The following NKTR variants were observed in gnomAD, a reference collection of about 807,000 sequenced individuals.
The protein encoded by NKTR is natural killer cell triggering receptor.
NKTR carries 67 observed loss-of-function variants against 156.3 expected under a neutral mutation model. That is an observed-to-expected ratio of 0.43 (90% CI 0.35 to 0.53). The LOEUF is 0.53. Among genes scored for constraint, NKTR ranks in the 20% least tolerant of loss-of-function variants. The probability of loss-of-function intolerance (pLI) is 0.01; values close to 1 mark genes in which losing one functional copy is unlikely to be tolerated. For missense variants in NKTR, 1,604 were observed against 1,730.9 expected (o/e 0.93, Z 1.30); for synonymous variants, 640 against 596.6 (o/e 1.07, Z -1.06).
intron 2 of NKTR, among the ~76,000 whole-genome samples, chr3:42,610,737 C>T (rs1034948816): frequency 5.3e-5 from 8 of 151,912 alleles, no homozygotes; most frequent in African/African-American, 1.9e-4. Context: ...TATCATCTCT[C>T]CCAGGCTTTG....
chr3:42,630,707 T>C, intron 7 of NKTR, 132 bp downstream of exon 7: 1 of 1,485,868 alleles, frequency 6.7e-7, no homozygotes, highest in Non-Finnish European at 9.0e-7. Flanking sequence ...AGCTATTCCT[T>C]AGGATCACAG....
At chr3:42,641,767 A>C (rs1271857928) in intron 13 of NKTR, among the ~76,000 whole-genome samples, 18 of 151,694 alleles carry the variant, frequency 1.2e-4, no homozygotes, top group Non-Finnish European at 1.3e-4. Flanking sequence ...AATCCCAGCT[A>C]CTCAGGAGGC....
At chr3:42,617,744 T>G (rs1376375113) in intron 3 of NKTR, 100 bp downstream of exon 3, 1 of 615,864 alleles carries the variant, frequency 1.6e-6, no homozygotes, top group Non-Finnish European at 2.9e-6. Context: ...CTCGTGAAAT[T>G]AGTTTTGTGA....
chr3:42,627,118 A>C, intron 6 of NKTR: 1 of 846,582 alleles, frequency 1.2e-6, no homozygotes, highest in Non-Finnish European at 1.4e-6. Flanking sequence ...TCAAAGTTAT[A>C]TTGATATTAA....
At chr3:42,609,456 TTG>T (rs756038103) in intron 2 of NKTR, among the ~76,000 whole-genome samples, 1 of 152,200 alleles carries the variant, frequency 6.6e-6, no homozygotes, top group Non-Finnish European at 1.5e-5. Flanking sequence ...TTCCAGAAGA[TTG>T]TGTGTTTAGA....
Position 42,648,708 on chromosome 3 carries a change from T to C in NKTR, c.*2733T>C, listed in dbSNP as rs776673943. On this transcript the variant is annotated 3_prime_UTR_variant, in exon 17 of 17. Coordinates refer to ENST00000232978, the MANE Select transcript of NKTR (RefSeq NM_005385.4). Reference sequence around the variant, plus strand: ...CCCTAAAACTTGAAAGGGGACCTTGTAGAAATTAAAATATATACTTAGTCT... The same window carrying C: ...CCCTAAAACTTGAAAGGGGACCTTGCAGAAATTAAAATATATACTTAGTCT... 6.6e-6 allele frequency: 1 copy of C among 152,660 alleles called. No homozygotes were observed. The highest frequency in any genetic ancestry group is 1.5e-5 in the Non-Finnish European group (1 of 68,038). 9.5% of individuals were successfully genotyped at this position (152,660 alleles called of 1,614,324 possible).
chr3:42,633,174 G>C, intron 9 of NKTR: 3 of 426,314 alleles, frequency 7.0e-6, no homozygotes, highest in Non-Finnish European at 1.0e-5. Flanking sequence ...TGAGTAGCTA[G>C]GACTACGGGC....
chr3:42,628,525 A>C (rs1054626769), intron 6 of NKTR: 30 of 985,290 alleles, frequency 3.0e-5, no homozygotes, highest in Non-Finnish European at 3.5e-5. Flanking sequence ...TGGCAAATTG[A>C]ATTGGGCTCT....
intron 7 of NKTR, 193 bp from the exon 8 acceptor site, chr3:42,630,978 C>T (rs1376996714): frequency 2.8e-6 from 4 of 1,411,524 alleles, no homozygotes; most frequent in Non-Finnish European, 2.8e-6. Flanking sequence ...AAAACTGAGG[C>T]CCAGTTTGCA....
Position 42,637,065 on chromosome 3 carries a change from C to G in NKTR, c.1361C>G (p.Thr454Arg). 1 of 1,604,524 alleles carries G rather than the reference C, an allele frequency of 6.2e-7. No homozygotes were observed. The highest frequency in any genetic ancestry group is 8.5e-7 in the Non-Finnish European group (1 of 1,177,632). ...AAACACTGCAGAAGACACAAACAAA[C>G]AAAGAAGAGAAGGATTCTTATACCG... ...KQKHCRRHKQ[T>R]KKRRILIPSD... is the part of the protein sequence containing the mutation. Residue 454 changes from threonine (T) to arginine (R), a missense_variant, in exon 13 of 17, where the codon ACA becomes AGA. Thr to Arg is a moderately conservative substitution (Grantham distance 71). This residue lies in a region of NKTR where 1,255 missense variants were observed against 1,243.7 expected (regional missense o/e 1.01). Transcript: ENST00000232978.
At chr3:42,615,349 G>A (rs1191323814) in intron 2 of NKTR, among the ~76,000 whole-genome samples, 3 of 151,634 alleles carry the variant, frequency 2.0e-5, no homozygotes, top group African/African-American at 7.3e-5. Flanking sequence ...AAAGTGCTGG[G>A]ATTACAGGCG....
At chr3:42,629,688 C>A in intron 6 of NKTR, 1 of 977,776 alleles carries the variant, frequency 1.0e-6, no homozygotes, top group Non-Finnish European at 1.2e-6. Context: ...AATTCTGAGA[C>A]TAATTATCTG....
intron 14 of NKTR, 53 bp from the exon 15 acceptor site, chr3:42,643,286 G>A (rs1710051811): frequency 1.4e-6 from 2 of 1,434,588 alleles, no homozygotes; most frequent in Non-Finnish European, 2.0e-6. Flanking sequence ...ATTTGGTATA[G>A]CCTGTCCTGC....
At chr3:42,610,525 T>G (rs1706682162) in intron 2 of NKTR, among the ~76,000 whole-genome samples, 1 of 152,052 alleles carries the variant, frequency 6.6e-6, no homozygotes, top group Non-Finnish European at 1.5e-5. Flanking sequence ...TTTTTAAAAT[T>G]TATTTTGTTG....
chr3:42,631,126 G>C (rs776614895), intron 7 of NKTR, 45 bp from the exon 8 acceptor site: 3 of 1,607,520 alleles, frequency 1.9e-6, no homozygotes, highest in Non-Finnish European at 2.6e-6. Flanking sequence ...ACTGTTTATA[G>C]CTTAATTATC....
intron 5 of NKTR, chr3:42,620,151 C>A (rs1707777547): frequency 7.2e-7 from 1 of 1,391,184 alleles, no homozygotes; most frequent in Non-Finnish European, 9.3e-7. Flanking sequence ...TTCTATATTG[C>A]TTGAAGACTT....
At chr3:42,616,030 G>T (rs927579722) in intron 2 of NKTR, among the ~76,000 whole-genome samples, 1 of 152,078 alleles carries the variant, frequency 6.6e-6, no homozygotes, top group East Asian at 1.9e-4. Flanking sequence ...AAAGCTATAG[G>T]CTAAGAATGT....
chr3:42,643,765 G>A (rs775882289), intron 15 of NKTR, 137 bp from the exon 16 acceptor site: 2 of 691,350 alleles, frequency 2.9e-6, no homozygotes, highest in Non-Finnish European at 5.3e-6. Flanking sequence ...TCCAGTACTT[G>A]TTTTGGAAAT....
chr3:42,600,695 C>T lies in NKTR; in HGVS notation c.-107C>T, dbSNP rs1344583624. 1 of 233,756 alleles carries T rather than the reference C, an allele frequency of 4.3e-6. No homozygotes were observed. The highest frequency in any genetic ancestry group is 2.3e-5 in the African/African-American group (1 of 43,950). 14.5% of individuals were successfully genotyped at this position (233,756 alleles called of 1,614,324 possible). On this transcript the variant is annotated 5_prime_UTR_variant, in exon 1 of 17. Transcript: ENST00000232978. ...CCGGCCTGGGGGAGGAGACGGCGTTCCGTTAGCGGCGTTGGGGTTTGGCTG... is the reference window on the plus strand; with the variant it reads ...CCGGCCTGGGGGAGGAGACGGCGTTTCGTTAGCGGCGTTGGGGTTTGGCTG...
Sources: allele counts gnomAD v4.1 joint callset (sites outside exome capture counted in the v4.1 genomes callset), GRCh38; gene constraint gnomAD v4.1.1; regional missense constraint gnomAD v4.1.1; transcripts MANE v1.5; gene names NCBI Gene and HGNC (gene_info 2026-07-23, HGNC 2026-07-21).